PIEZO1: variants seen among roughly 807,000 people sequenced by gnomAD.
The protein encoded by PIEZO1 is piezo type mechanosensitive ion channel component 1 (Er blood group), also known as piezo-type mechanosensitive ion channel component 1.
Under a neutral mutation model 297.2 loss-of-function variants are expected in PIEZO1, and 296 were observed. That is an observed-to-expected ratio of 1.00 (90% confidence interval 0.91 to 1.10). The LOEUF (loss-of-function observed/expected upper bound fraction) is 1.10. PIEZO1 is among the 50% of genes least tolerant of loss of function. PIEZO1 has a pLI of 0.00. For synonymous variants in PIEZO1, 2,427 were observed against 1,507.5 expected (o/e 1.61, Z -14.13); for missense variants, 5,018 against 3,455.5 (o/e 1.45, Z -11.34).
chr16:88,735,999 G>C, intron 12 of PIEZO1, 149 bp downstream of exon 12: 1 of 753,950 alleles, frequency 1.3e-6, no homozygotes, highest in East Asian at 2.7e-5. Flanking sequence ...AGCTACTCTG[G>C]GCTGGCTCTG....
In PIEZO1 at chr16:88,733,676, G is replaced by A. The variant is rs867405644; in HGVS notation, c.2399C>T (p.Ser800Leu). Reference sequence around the variant, plus strand: ...CCGCCGCAGGAACACCTGCACGCGTGAGAGGACGTCCGAGAAGCCGGCTGC... The same window carrying A: ...CCGCCGCAGGAACACCTGCACGCGTAAGAGGACGTCCGAGAAGCCGGCTGC... ...ELAAGFSDVL[S>L]RVQVFLRRLL... The change falls in exon 18 of 51, where the codon TCA (serine) becomes TTA (leucine). Residue 800 changes from serine (S) to leucine (L), a missense_variant. Coordinates refer to ENST00000301015, the MANE Select transcript of PIEZO1 (RefSeq NM_001142864.4). The A allele has an allele frequency of 1.3e-6, 2 of 1,549,712 alleles. No homozygotes were observed. Among genetic ancestry groups the A allele is most frequent in the Non-Finnish European group, 1.7e-6 (2 of 1,146,614 alleles).
chr16:88,756,875 G>C (rs555672412), intron 1 of PIEZO1, among the ~76,000 whole-genome samples: 6 of 151,582 alleles, frequency 4.0e-5, no homozygotes, highest in Admixed American at 3.3e-4. Context: ...AGGAGATCGA[G>C]ACCATCCTGG....
In PIEZO1 at chr16:88,715,839, G is replaced by A. The variant is rs140778010; in HGVS notation, c.7332C>T (p.Tyr2444=). ...TGCCGATGACCAGCACGATGGACAC[G>A]TACAGCCCCATGATGCTGCGGGGGA... is the stretch of plus-strand genomic sequence containing the variant. ...FLAGYGIMGL[Y]VSIVLVIGKF... The change falls in exon 51 of 51, where the codon TAC becomes TAT. Residue 2444 remains tyrosine, a synonymous_variant. Coordinates refer to ENST00000301015, the MANE Select transcript of PIEZO1 (RefSeq NM_001142864.4). 2,732 of 1,550,096 alleles carry A rather than the reference G, an allele frequency of 1.8e-3. 77 individuals carry two copies. The East Asian group carries it at 0.049, about 28-fold the overall frequency.
rs912716084 is a variant in PIEZO1, at chr16:88,720,655, C to G, written c.5762G>C (p.Arg1921Thr). The change falls in exon 40 of 51, where the codon AGG (arginine) becomes ACG (threonine). Residue 1921 changes from arginine (R) to threonine (T), a missense_variant. Transcript: ENST00000301015. ...KRPSRSGGRVRAAGRRLQGFC... is the reference protein window; with the variant it reads ...KRPSRSGGRVTAAGRRLQGFC... ...GCCCTGCAGCCGCCGCCCGGCCGCC[C>G]TTACTCTTCCTCCAGAGCGGCTTGG... The G allele has an allele frequency of 1.0e-5, 16 of 1,548,382 alleles. No homozygotes were observed. Among genetic ancestry groups the G allele is most frequent in the African/African-American group, 1.4e-5 (1 of 72,980 alleles).
At chr16:88,752,411 G>A (rs1173108989) in intron 1 of PIEZO1, among the ~76,000 whole-genome samples, 1 of 152,246 alleles carries the variant, frequency 6.6e-6, no homozygotes, top group Admixed American at 6.5e-5. Flanking sequence ...GAGCCCAGGA[G>A]GCTGAGGCCG....
Position 88,725,068 on chromosome 16 carries a change from G to A in PIEZO1, c.4175C>T (p.Pro1392Leu), listed in dbSNP as rs754991886. ...DPGLEPGPDSPGGSSPPRRQW... is the reference protein window; with the variant it reads ...DPGLEPGPDSLGGSSPPRRQW... ...CCTCCGTGGCGGGGAGGAGCCCCCTGGACTGTCGGGCCCTGTGGAGGGGCA... is the reference window on the plus strand; with the variant it reads ...CCTCCGTGGCGGGGAGGAGCCCCCTAGACTGTCGGGCCCTGTGGAGGGGCA... Residue 1392 changes from proline to leucine, a missense_variant, in exon 30 of 51, where the codon CCA becomes CTA. Coordinates refer to ENST00000301015, the MANE Select transcript of PIEZO1 (RefSeq NM_001142864.4). The A allele has an allele frequency of 2.6e-6, 4 of 1,511,220 alleles. No homozygotes were observed. The highest frequency in any genetic ancestry group is 2.6e-5 in the South Asian group (2 of 77,984). The allele number at this position is 1,511,220 out of a possible 1,614,324, so 93.6% of individuals were successfully genotyped here.
At chr16:88,779,035 A>AC (rs1425435972) in intron 1 of PIEZO1, among the ~76,000 whole-genome samples, 3 of 113,868 alleles carry the variant, frequency 2.6e-5, no homozygotes, top group East Asian at 5.2e-4. Flanking sequence ...TTACGACTTC[A>AC]CTTTTTTTTT....
chr16:88,727,591 A>G lies in PIEZO1; in HGVS notation c.3267T>C (p.Asp1089=). 6.5e-7 allele frequency: 1 copy of G among 1,534,522 alleles called. No homozygotes were observed. The highest frequency in any genetic ancestry group is 2.0e-5 in the Admixed American group (1 of 48,936). Reference sequence around the variant, plus strand: ...TGGTGGAGTTGGGGGCCCGGAAGAAATCAGGCAGGTACAGCCACTTGATGA... The same window carrying G: ...TGGTGGAGTTGGGGGCCCGGAAGAAGTCAGGCAGGTACAGCCACTTGATGA... The part of the protein sequence containing the change: ...SALIKWLYLP[D]FFRAPNSTNL... Residue 1089 remains aspartate (D), a synonymous_variant, in exon 23 of 51, where the codon GAT becomes GAC. Coordinates refer to ENST00000301015, the MANE Select transcript of PIEZO1 (RefSeq NM_001142864.4).
rs1264763551 is a variant in PIEZO1, at chr16:88,722,830, G to A, written c.4668+7C>T. On this transcript the variant is annotated splice_region_variant and intron_variant, in intron 34 of 50. Coordinates refer to ENST00000301015, the MANE Select transcript of PIEZO1 (RefSeq NM_001142864.4). ...CAGGGACGAGCGTGGTGCACGGGCA[G>A]GCTCACCTGCAGGAGCTCCTGTGTG... is the stretch of plus-strand genomic sequence containing the variant. The A allele has an allele frequency of 6.5e-7, 1 of 1,544,076 alleles. No individual in the cohort carries two copies. The highest frequency in any genetic ancestry group is 8.7e-7 in the Non-Finnish European group (1 of 1,146,354).
At chr16:88,773,743 C>T (rs8044845) in intron 1 of PIEZO1, among the ~76,000 whole-genome samples, 6 of 122,190 alleles carry the variant, frequency 4.9e-5, no homozygotes, top group South Asian at 2.8e-4. Flanking sequence ...GGCAGGTCGG[C>T]GGAGTGGACA....
In PIEZO1 at chr16:88,731,709, T is replaced by A. The variant is rs755141831; in HGVS notation, c.3193A>T (p.Ile1065Phe). 3 of 1,548,830 alleles carry A rather than the reference T, an allele frequency of 1.9e-6. No individual in the cohort carries two copies. Among genetic ancestry groups the A allele is most frequent in the South Asian group, 1.2e-5 (1 of 84,002 alleles). Reference sequence around the variant, plus strand: ...ACCCAAGCCACGTGCCCCTCACCAATGCACAGGGCCGGGGGCATCCCCAGG... The same window carrying A: ...ACCCAAGCCACGTGCCCCTCACCAAAGCACAGGGCCGGGGGCATCCCCAGG... ...LCLGMPPALC[I>F]DYPWRWSRAV... The change falls in exon 22 of 51, where the codon ATT becomes TTT. Residue 1065 changes from isoleucine (I) to phenylalanine (F), a missense_variant. Transcript: ENST00000301015.
chr16:88,779,688 G>C (rs1472463340), intron 1 of PIEZO1, among the ~76,000 whole-genome samples: 3 of 152,238 alleles, frequency 2.0e-5, no homozygotes, highest in African/African-American at 7.2e-5. Context: ...TGTGTGTGCA[G>C]CATGAGGGAG....
chr16:88,729,549 G>A (rs1311424538), intron 22 of PIEZO1, among the ~76,000 whole-genome samples: 1 of 129,164 alleles, frequency 7.7e-6, no homozygotes, highest in Non-Finnish European at 1.6e-5. Flanking sequence ...AGCCCCATCT[G>A]CCACAGAGGG....
chr16:88,733,525 C>G (rs1288624019), intron 18 of PIEZO1, 63 bp downstream of exon 18: 6 of 1,528,478 alleles, frequency 3.9e-6, no homozygotes, highest in Admixed American at 4.0e-5. Context: ...CTTGGGGAGG[C>G]CAGCTGGGCA....
chr16:88,782,111 C>CT lies in PIEZO1; in HGVS notation c.64+2789dup, dbSNP rs1297592468. Among the ~76,000 whole-genome samples, 17 of 152,182 alleles carry CT rather than the reference C, an allele frequency of 1.1e-4. No homozygotes were observed. The South Asian group carries it at 3.1e-3, about 28-fold the overall frequency. ...TTATCAGAATCACAAATGTCCTGCC[C>CT]TTTTTTTTCCTTTTTCTTTTTTGAG... is the stretch of plus-strand genomic sequence containing the variant. On this transcript the variant is annotated intron_variant, in intron 1 of 50. Transcript: ENST00000301015.
At position 88,725,061 on chromosome 16, in the gene PIEZO1, G is replaced by T; in HGVS notation, c.4182C>A (p.Gly1394=). The T allele has an allele frequency of 6.7e-7, 1 of 1,500,604 alleles. No homozygotes were observed. 93.0% of individuals were successfully genotyped at this position (1,500,604 alleles called of 1,614,324 possible). Residue 1394 remains glycine (G), a synonymous_variant, in exon 30 of 51, where the codon GGC becomes GGA. Coordinates refer to ENST00000301015, the MANE Select transcript of PIEZO1 (RefSeq NM_001142864.4). ...GLEPGPDSPG[G]SSPPRRQWWR... is the part of the protein sequence containing the mutation. ...ACCACTGCCTCCGTGGCGGGGAGGA[G>T]CCCCCTGGACTGTCGGGCCCTGTGG...
intron 2 of PIEZO1, chr16:88,743,708 A>C: frequency 2.2e-6 from 1 of 451,250 alleles, no homozygotes; most frequent in East Asian, 7.0e-5. Context: ...CACATCCCTA[A>C]GCCTGACCGT....
At chr16:88,734,086 A>C in intron 16 of PIEZO1, 32 bp from the exon 17 acceptor site, 4 of 1,479,552 alleles carry the variant, frequency 2.7e-6, no homozygotes, top group Non-Finnish European at 3.6e-6. Flanking sequence ...TCATCTCCCA[A>C]CTGGGTTCCT....
At chr16:88,746,045 G>C (rs998204078) in intron 2 of PIEZO1, among the ~76,000 whole-genome samples, 4 of 150,468 alleles carry the variant, frequency 2.7e-5, no homozygotes, top group Non-Finnish European at 6.0e-5. Flanking sequence ...TGATCCGTGG[G>C]GTGTGCATGG....
Sources: allele counts gnomAD v4.1 joint callset (sites outside exome capture counted in the v4.1 genomes callset), GRCh38; gene constraint gnomAD v4.1.1; transcripts MANE v1.5; gene names NCBI Gene and HGNC (gene_info 2026-07-23, HGNC 2026-07-21).